Variants in ATM observed in about 807,000 individuals in gnomAD.
The protein encoded by ATM is ATM serine/threonine kinase.
Under a neutral mutation model 387.0 loss-of-function variants are expected in ATM, and 308 were observed. The ratio of observed to expected loss-of-function variants is 0.80; its 90% CI spans 0.73 to 0.87. The LOEUF is 0.87. Ranked by LOEUF, ATM falls within the 40% of genes least tolerant of loss-of-function variation. The pLI is 0.00. For synonymous variants in ATM, 1,156 were observed against 1,187.3 expected, an observed-to-expected ratio of 0.97 and a Z score of 0.54; for missense variants, 3,312 against 3,560.9, an observed-to-expected ratio of 0.93 and a Z score of 1.78.
chr11:108,357,043 C>T (rs569590061), intron 61 of ATM, among the ~76,000 whole-genome samples: 40 of 152,370 alleles, frequency 2.6e-4, no homozygotes, highest in African/African-American at 9.1e-4. Context: ...CCAGGTTCAT[C>T]TCACTAGGGA....
At chr11:108,258,936 A>C (rs1489589483) in intron 15 of ATM, 50 bp from the exon 16 acceptor site, 9 of 1,453,110 alleles carry the variant, frequency 6.2e-6, no homozygotes, top group Non-Finnish European at 7.7e-6. Context: ...TGCCAAGAAT[A>C]ATTGTTTTTA....
At chr11:108,340,371 GATA>G (rs1409479309) in intron 56 of ATM, 1 of 141,060 alleles carries the variant, frequency 7.1e-6, no homozygotes, top group Non-Finnish European at 1.6e-5. Flanking sequence ...AGATCTGTAA[GATA>G]ATGTCTGTTT....
chr11:108,279,696 T>C (rs2082131867), intron 23 of ATM, 88 bp downstream of exon 23: 10 of 1,047,422 alleles, frequency 9.5e-6, no homozygotes, highest in Middle Eastern at 2.2e-4. Flanking sequence ...TATAAGAGAG[T>C]TTATAATCCA....
intron 5 of ATM, 65 bp downstream of exon 5, chr11:108,235,899 A>G: frequency 1.3e-6 from 2 of 1,566,298 alleles, no homozygotes; most frequent in Non-Finnish European, 1.8e-6. Flanking sequence ...CAAAGAAAGC[A>G]CTCTGTCTGT....
intron 17 of ATM, 78 bp from the exon 18 acceptor site, chr11:108,268,325 TGAAGAGG>T: frequency 7.8e-7 from 1 of 1,280,038 alleles, no homozygotes; most frequent in Non-Finnish European, 1.1e-6. Flanking sequence ...CTTTTTTTTG[TGAAGAGG>T]AGGAAATTTG....
At chr11:108,347,183 A>G in intron 58 of ATM, 96 bp from the exon 59 acceptor site, 1 of 973,650 alleles carries the variant, frequency 1.0e-6, no homozygotes, top group Non-Finnish European at 1.7e-6. Flanking sequence ...CTACTTAAAG[A>G]TTATACCAAG....
rs145738879 is a variant in ATM, at chr11:108,319,036, G to T, written c.6348-918G>T. On this transcript the variant is annotated intron_variant, in intron 43 of 62. Coordinates refer to ENST00000675843, the MANE Select transcript of ATM (RefSeq NM_000051.4). Reference sequence around the variant, plus strand: ...ACAAAAAAATACAAAAGTTAGCTGGGCAAGGTAGCATGCATCTGTAGTCCC... The same window carrying T: ...ACAAAAAAATACAAAAGTTAGCTGGTCAAGGTAGCATGCATCTGTAGTCCC... Among the ~76,000 whole-genome samples the T allele has an allele frequency of 2.0e-5, 3 of 152,152 alleles. No individual in the cohort carries two copies. The East Asian group carries it at 5.8e-4, about 30-fold the overall frequency.
chr11:108,294,560 C>G (rs980139051), intron 31 of ATM, among the ~76,000 whole-genome samples: 4 of 152,056 alleles, frequency 2.6e-5, no homozygotes, highest in Non-Finnish European at 5.9e-5. Context: ...GCCAACATGG[C>G]AAAACCCCAT....
intron 9 of ATM, among the ~76,000 whole-genome samples, chr11:108,250,292 C>T (rs1368737559): frequency 6.6e-6 from 1 of 151,864 alleles, no homozygotes; most frequent in Non-Finnish European, 1.5e-5. Flanking sequence ...AGCTGGGATT[C>T]CAGGCATGTG....
At chr11:108,334,533 TTG>T (rs2086621464) in intron 54 of ATM, among the ~76,000 whole-genome samples, 1 of 151,952 alleles carries the variant, frequency 6.6e-6, no homozygotes, top group African/African-American at 2.4e-5. Context: ...CTTAAATACA[TTG>T]TCTTTCTTTT....
chr11:108,326,177 G>T lies in ATM; in HGVS notation c.6927G>T (p.Leu2309=), dbSNP rs876660429. 6.2e-7 allele frequency: 1 copy of T among 1,614,060 alleles called. No homozygotes were observed. Among genetic ancestry groups the T allele is most frequent in the African/African-American group, 1.3e-5 (1 of 74,934 alleles). The change falls in exon 47 of 63, where the codon CTG becomes CTT. Residue 2309 remains leucine, a synonymous_variant. Coordinates refer to ENST00000675843, the MANE Select transcript of ATM (RefSeq NM_000051.4). ...CAAAAAAGGAGCAGAGTCTTGCCCT[G>T]AGTATTCTCAAGCAAATGATCAAGA... ...FWAKKEQSLA[L]SILKQMIKKL...
intron 51 of ATM, 135 bp downstream of exon 51, chr11:108,331,692 A>G (rs1022309456): frequency 1.6e-5 from 22 of 1,335,104 alleles, no homozygotes; most frequent in African/African-American, 6.0e-5. Context: ...CTCACATCAC[A>G]TAAGTTACTC....
intron 61 of ATM, among the ~76,000 whole-genome samples, chr11:108,357,217 G>T (rs555533784): frequency 6.6e-6 from 1 of 152,202 alleles, no homozygotes; most frequent in African/African-American, 2.4e-5. Context: ...ACTCCCACCC[G>T]AATATTGCGC....
rs773731240 is a variant in ATM at position 108,297,267 on chromosome 11, T to G, written c.4910-20T>G. 15 of 1,604,416 alleles carry G rather than the reference T, an allele frequency of 9.3e-6. No individual in the cohort carries two copies. The East Asian group carries it at 3.1e-4, about 34-fold the overall frequency. On this transcript the variant is annotated intron_variant, in intron 32 of 62. Transcript: ENST00000675843. ...TGTCTTCATGCTAGTTTAAACTAAT[T>G]TTTAAAAAATTATTTCTAGATAATC...
rs772833802 is a variant in ATM at position 108,292,670 on chromosome 11, C to G, written c.4488C>G (p.Asp1496Glu). Residue 1496 changes from aspartate to glutamate, a missense_variant, in exon 30 of 63, where the codon GAC becomes GAG. Physicochemically the swap from Asp to Glu is conservative, Grantham distance 45. This residue lies in a region of ATM where 1,791 missense variants were observed against 1,804.5 expected (regional missense o/e 0.99). Coordinates refer to ENST00000675843, the MANE Select transcript of ATM (RefSeq NM_000051.4). ...TACGTAGCTTCTCCCTTTGTTGTGACTTATTAAGTCAGGTTTGCCAGACAG... is the reference window on the plus strand; with the variant it reads ...TACGTAGCTTCTCCCTTTGTTGTGAGTTATTAAGTCAGGTTTGCCAGACAG... ...VSLRSFSLCC[D>E]LLSQVCQTAV... The G allele has an allele frequency of 6.2e-7, 1 of 1,613,762 alleles. No homozygotes were observed. The highest frequency in any genetic ancestry group is 1.7e-5 in the Admixed American group (1 of 59,972).
rs757318914 is a variant in ATM at position 108,257,614 on chromosome 11, T to TTTC, written c.2376+17_2376+19dup. On this transcript the variant is annotated intron_variant, in intron 15 of 62. Transcript: ENST00000675843. ...TTGAGCAACTGTACCAAGGTAAGAT[T>TTTC]TTCTTCTTCTTGTTTTGTTTTTTGA... is the stretch of plus-strand genomic sequence containing the variant. 6.2e-7 allele frequency: 1 copy of TTTC among 1,612,650 alleles called. No individual in the cohort carries two copies. Among genetic ancestry groups the TTTC allele is most frequent in the African/African-American group, 1.3e-5 (1 of 74,976 alleles).
At chr11:108,261,043 C>T (rs989288062) in intron 16 of ATM, among the ~76,000 whole-genome samples, 27 of 152,142 alleles carry the variant, frequency 1.8e-4, no homozygotes, top group South Asian at 8.3e-4. Flanking sequence ...AACTGCAAGG[C>T]GGCAGCGAGG....
intron 3 of ATM, among the ~76,000 whole-genome samples, chr11:108,228,590 C>T (rs2078855757): frequency 6.6e-6 from 1 of 152,146 alleles, no homozygotes; most frequent in African/African-American, 2.4e-5. Context: ...TTATTTTTAG[C>T]TCCTGTTTGG....
In ATM at chr11:108,343,241, G is replaced by A. The variant is rs551411717; in HGVS notation, c.8288G>A (p.Arg2763Gln). ...CTYKVVPLSQ[R>Q]SGVLEWCTGT... The stretch of plus-strand genomic sequence containing the variant: ...CTCCAGGTGGTTCCCCTCTCTCAGC[G>A]AAGTGGTGTTCTTGAATGGTGCACA... Residue 2763 changes from arginine to glutamine, a missense_variant, in exon 57 of 63, where the codon CGA becomes CAA. This residue lies in a region of ATM where 1,405 missense variants were observed against 1,604.4 expected (regional missense o/e 0.88). Coordinates refer to ENST00000675843, the MANE Select transcript of ATM (RefSeq NM_000051.4). 4.3e-6 allele frequency: 7 copies of A among 1,613,962 alleles called. No individual in the cohort carries two copies. The highest frequency in any genetic ancestry group is 2.7e-5 in the African/African-American group (2 of 75,004).
Sources: allele counts gnomAD v4.1 joint callset (sites outside exome capture counted in the v4.1 genomes callset), GRCh38; gene constraint gnomAD v4.1.1; regional missense constraint gnomAD v4.1.1; transcripts MANE v1.5; gene names NCBI Gene and HGNC (gene_info 2026-07-23, HGNC 2026-07-21).